The following ABCB5 variants were observed in gnomAD, a reference collection of about 807,000 sequenced individuals.
ABCB5 encodes the protein ATP-binding cassette sub-family B member 5.
In ABCB5, 155 loss-of-function variants were observed where a neutral mutation model predicts 144.2. The ratio of observed to expected loss-of-function variants is 1.08; its 90% CI spans 0.94 to 1.23. ABCB5 has a LOEUF of 1.23. ABCB5 is among the 50% of genes most tolerant of loss of function. The pLI, the probability that ABCB5 is intolerant of heterozygous loss-of-function variation, is 0.00. For missense variants in ABCB5, 1,830 were observed against 1,520.8 expected, an observed-to-expected ratio of 1.20 and a Z score of -3.38; for synonymous variants, 610 against 528.6, an observed-to-expected ratio of 1.15 and a Z score of -2.11.
chr7:20,656,912 C>T (rs67196414), intron 13 of ABCB5, among the ~76,000 whole-genome samples: 1,009 of 58,376 alleles, frequency 0.017, 45 homozygotes, highest in Middle Eastern at 0.023. Context: ...TTTCCTTTTT[C>T]TTTTTTTTTT....
At chr7:20,622,094 G>A (rs1417938492) in intron 1 of ABCB5, among the ~76,000 whole-genome samples, 1 of 152,118 alleles carries the variant, frequency 6.6e-6, no homozygotes, top group Non-Finnish European at 1.5e-5. Flanking sequence ...AGTTATGAAA[G>A]TGCAGCTCAT....
intron 16 of ABCB5, among the ~76,000 whole-genome samples, chr7:20,686,263 C>A (rs935761897): frequency 6.6e-6 from 1 of 152,164 alleles, no homozygotes; most frequent in Non-Finnish European, 1.5e-5. Flanking sequence ...CAGGGCACAA[C>A]CTGAGAAGCC....
chr7:20,716,549 G>A (rs1312269216), intron 20 of ABCB5, among the ~76,000 whole-genome samples: 1 of 151,932 alleles, frequency 6.6e-6, no homozygotes, highest in Non-Finnish European at 1.5e-5. Flanking sequence ...GTACTTTAGT[G>A]GACATTTTAA....
At chr7:20,705,546 A>G (rs1171864715) in intron 20 of ABCB5, among the ~76,000 whole-genome samples, 5 of 152,174 alleles carry the variant, frequency 3.3e-5, no homozygotes, top group African/African-American at 1.2e-4. Context: ...AAAGCTTTCT[A>G]TTTCTGTTAA....
intron 16 of ABCB5, among the ~76,000 whole-genome samples, chr7:20,696,324 A>G (rs1227165077): frequency 6.6e-6 from 1 of 152,138 alleles, no homozygotes; most frequent in Non-Finnish European, 1.5e-5. Context: ...AAAGGAGTAG[A>G]TAATGTATGA....
At chr7:20,672,776 G>A (rs934876273) in intron 14 of ABCB5, among the ~76,000 whole-genome samples, 1 of 151,946 alleles carries the variant, frequency 6.6e-6, no homozygotes, top group Non-Finnish European at 1.5e-5. Flanking sequence ...ACAATTTGTT[G>A]AAAAAATTAT....
intron 14 of ABCB5, chr7:20,660,290 T>TATCCCAC: frequency 2.0e-6 from 2 of 985,168 alleles, no homozygotes. Flanking sequence ...TAATAACAGC[T>TATCCCAC]ATGTGGCATA....
chr7:20,658,514 T>G lies in ABCB5; in HGVS notation c.1545T>G (p.Asn515Lys). Reference sequence around the variant, plus strand: ...TTCCTATTTTTCATTAGAAATTTAATACATTGGTAGGGGAAAAAGGAGCTC... The same window carrying G: ...TTCCTATTTTTCATTAGAAATTTAAGACATTGGTAGGGGAAAAAGGAGCTC... ...DFIMEFPNKF[N>K]TLVGEKGAQM... The change falls in exon 14 of 28, where the codon AAT (asparagine) becomes AAG (lysine). Residue 515 changes from asparagine (N) to lysine (K), a missense_variant. Physicochemically the swap from Asn to Lys is moderately conservative, Grantham distance 94 (BLOSUM62 0). Transcript: ENST00000404938. 6.2e-7 allele frequency: 1 copy of G among 1,612,330 alleles called. No homozygotes were observed. The highest frequency in any genetic ancestry group is 8.5e-7 in the Non-Finnish European group (1 of 1,179,488).
chr7:20,743,616 T>C (rs1229483331), intron 25 of ABCB5, among the ~76,000 whole-genome samples: 3 of 152,118 alleles, frequency 2.0e-5, no homozygotes, highest in Admixed American at 6.5e-5. Flanking sequence ...CTTGTCTTAC[T>C]ATACCTTATA....
At chr7:20,677,231 T>C (rs1032058779) in intron 14 of ABCB5, among the ~76,000 whole-genome samples, 17 of 152,198 alleles carry the variant, frequency 1.1e-4, no homozygotes, top group African/African-American at 4.1e-4. Context: ...AGTCATATTA[T>C]CTCAGTATAT....
chr7:20,711,632 T>C (rs1017153246), intron 20 of ABCB5, among the ~76,000 whole-genome samples: 1 of 148,194 alleles, frequency 6.7e-6, no homozygotes, highest in Non-Finnish European at 1.5e-5. Flanking sequence ...CAGTTAATTG[T>C]TTGTAGATAC....
intron 5 of ABCB5, chr7:20,641,641 C>G (rs1313599291): frequency 6.5e-6 from 1 of 153,372 alleles, no homozygotes; most frequent in African/African-American, 2.4e-5. Context: ...GATTAGATCC[C>G]CACAGTAGAG....
intron 26 of ABCB5, among the ~76,000 whole-genome samples, chr7:20,750,364 G>C (rs1782881243): frequency 6.6e-6 from 1 of 150,964 alleles, no homozygotes; most frequent in Non-Finnish European, 1.5e-5. Flanking sequence ...GCAGTGATGA[G>C]AGTCCAAAGG....
In ABCB5 at chr7:20,616,775, A is replaced by G. The variant is rs141797091; in HGVS notation, c.-22+938A>G. Among the ~76,000 whole-genome samples, 47 of 152,334 alleles carry G rather than the reference A, an allele frequency of 3.1e-4. No individual in the cohort carries two copies. The East Asian group carries it at 7.9e-3, about 26-fold the overall frequency. ...GTTAAATTTATCTTCCTTTTGAAAC[A>G]TTGGGTAACAGAGAGGAACATGGGG... On this transcript the variant is annotated intron_variant, in intron 1 of 27. Coordinates refer to ENST00000404938, the MANE Select transcript of ABCB5 (RefSeq NM_001163941.2).
At chr7:20,715,861 A>T (rs1781659415) in intron 20 of ABCB5, among the ~76,000 whole-genome samples, 1 of 151,848 alleles carries the variant, frequency 6.6e-6, no homozygotes, top group African/African-American at 2.4e-5. Flanking sequence ...CTGGGACTAC[A>T]GGTGCCCACC....
intron 20 of ABCB5, among the ~76,000 whole-genome samples, chr7:20,714,253 G>A (rs1477813234): frequency 2.6e-5 from 4 of 151,930 alleles, no homozygotes; most frequent in Non-Finnish European, 5.9e-5. Context: ...TTATCAAAGT[G>A]ATATCCCCCA....
At chr7:20,707,273 C>T (rs531643809) in intron 20 of ABCB5, among the ~76,000 whole-genome samples, 2 of 151,880 alleles carry the variant, frequency 1.3e-5, no homozygotes, top group South Asian at 2.1e-4. Context: ...AAAGGTATTC[C>T]TCTGGCCATT....
chr7:20,691,528 G>C (rs1786229323), intron 16 of ABCB5, among the ~76,000 whole-genome samples: 2 of 151,660 alleles, frequency 1.3e-5, no homozygotes, highest in Non-Finnish European at 2.9e-5. Flanking sequence ...AAGTCACACA[G>C]GGCCAGGAAA....
intron 14 of ABCB5, among the ~76,000 whole-genome samples, chr7:20,676,806 A>G (rs1785628714): frequency 6.6e-6 from 1 of 152,190 alleles, no homozygotes; most frequent in East Asian, 1.9e-4. Flanking sequence ...AGGTAGTGTA[A>G]TTTTCCCTAT....
Sources: gnomAD v4.1 joint callset for allele counts (sites outside exome capture counted in the v4.1 genomes callset) on GRCh38, gnomAD v4.1.1 for gene constraint, MANE v1.5 for transcripts, NCBI Gene and HGNC (gene_info 2026-07-23, HGNC 2026-07-21) for gene names.